MTMR6: variants seen among roughly 807,000 people sequenced by gnomAD.
MTMR6 encodes myotubularin related protein 6, also known as phosphatidylinositol-3,5-bisphosphate 3-phosphatase MTMR6.
MTMR6 carries 47 observed loss-of-function variants against 80.1 expected under a neutral mutation model. That is an observed-to-expected ratio of 0.59 (90% CI 0.46 to 0.75). The LOEUF (loss-of-function observed/expected upper bound fraction) is 0.75. Among genes scored for constraint, MTMR6 ranks in the 30% least tolerant of loss-of-function variants. The pLI, the probability that MTMR6 is intolerant of heterozygous loss-of-function variation, is 0.00. For synonymous variants in MTMR6, 254 were observed against 253.0 expected, an observed-to-expected ratio of 1.00 and a Z score of -0.04; for missense variants, 629 against 730.9, an observed-to-expected ratio of 0.86 and a Z score of 1.61.
intron 2 of MTMR6, among the ~76,000 whole-genome samples, chr13:25,271,346 G>A (rs574300449): frequency 3.5e-4 from 53 of 152,096 alleles, no homozygotes; most frequent in Non-Finnish European, 5.9e-4. Flanking sequence ...GTTCAGTCAG[G>A]TATTCATTTA....
At position 25,246,430 on chromosome 13, in the gene MTMR6, A is replaced by G. The variant is rs1249787795; in HGVS notation, c.*2802T>C. On this transcript the variant is annotated 3_prime_UTR_variant, in exon 14 of 14. Coordinates refer to ENST00000381801, the MANE Select transcript of MTMR6 (RefSeq NM_004685.5). ...CTCCAAATTTTCTTTAATTAATCAA[A>G]GTATGTTAATGTCACTTGGAATTCT... 7.2e-5 allele frequency: 11 copies of G among 152,096 alleles called. No homozygotes were observed. The East Asian group carries it at 2.1e-3, about 30-fold the overall frequency. The allele number at this position is 152,096 out of a possible 1,614,324, so 9.4% of individuals were successfully genotyped here.
intron 9 of MTMR6, among the ~76,000 whole-genome samples, chr13:25,256,158 C>T (rs1957203836): frequency 6.6e-6 from 1 of 152,202 alleles, no homozygotes; most frequent in Non-Finnish European, 1.5e-5. Flanking sequence ...CTAATACTCA[C>T]TCTGAACTCC....
intron 1 of MTMR6, among the ~76,000 whole-genome samples, chr13:25,282,182 G>A (rs1346690309): frequency 6.6e-6 from 1 of 152,048 alleles, no homozygotes; most frequent in East Asian, 1.9e-4. Flanking sequence ...CCCATGTGGG[G>A]ATGGCTTACT....
In MTMR6 at chr13:25,261,524, AT is replaced by A. The variant is rs1957341334; in HGVS notation, c.726+143del. 5 of 677,946 alleles carry A rather than the reference AT, an allele frequency of 7.4e-6. No homozygotes were observed. In the Admixed American group the frequency reaches 1.1e-4, roughly 15 times the overall value. 42.0% of individuals were successfully genotyped at this position (677,946 alleles called of 1,614,324 possible). On this transcript the variant is annotated intron_variant, in intron 6 of 13. Coordinates refer to ENST00000381801, the MANE Select transcript of MTMR6 (RefSeq NM_004685.5). ...TAAATTGGTATCCTTTAAATAAAGG[AT>A]TGATTTCCTTAGTATCATTAGCCTT... is the stretch of plus-strand genomic sequence containing the variant.
At chr13:25,269,177 A>C (rs1957515514) in intron 2 of MTMR6, among the ~76,000 whole-genome samples, 1 of 152,140 alleles carries the variant, frequency 6.6e-6, no homozygotes, top group African/African-American at 2.4e-5. Context: ...GATCAACATT[A>C]CATCTCCAGC....
Position 25,251,730 on chromosome 13 carries a change from A to G in MTMR6, c.1524T>C (p.Pro508=). ...MYHQFDRTLH[P]RQSVFNIIMN... is the part of the protein sequence containing the mutation. Reference sequence around the variant, plus strand: ...TAATTATATTAAATACAGACTGCCTAGGATGCAGTGTTCGATCAAATTGAT... The same window carrying G: ...TAATTATATTAAATACAGACTGCCTGGGATGCAGTGTTCGATCAAATTGAT... The change falls in exon 13 of 14, where the codon CCT becomes CCC. Residue 508 remains proline, a synonymous_variant. Transcript: ENST00000381801. The surrounding 1 kb of genome is among the most constrained non-coding windows in gnomAD (Gnocchi z 4.1). 6.3e-7 allele frequency: 1 copy of G among 1,595,902 alleles called. No individual in the cohort carries two copies. Among genetic ancestry groups the G allele is most frequent in the East Asian group, 2.2e-5 (1 of 44,710 alleles).
At chr13:25,272,094 G>A (rs954075745) in intron 2 of MTMR6, among the ~76,000 whole-genome samples, 5 of 152,186 alleles carry the variant, frequency 3.3e-5, no homozygotes, top group Middle Eastern at 3.2e-3. Flanking sequence ...GTCAATAAAT[G>A]GCGCCGGTCG....
chr13:25,256,183 A>C (rs576890437), intron 9 of MTMR6, among the ~76,000 whole-genome samples: 1 of 152,158 alleles, frequency 6.6e-6, no homozygotes, highest in African/African-American at 2.4e-5. Flanking sequence ...ATCACACATT[A>C]CCTGCAGTCA....
intron 7 of MTMR6, 116 bp from the exon 8 acceptor site, chr13:25,257,961 C>G (rs1957251066): frequency 1.7e-6 from 1 of 593,444 alleles, no homozygotes; most frequent in Non-Finnish European, 2.8e-6. Context: ...ACAGGCAAGA[C>G]TCTATAAATG....
chr13:25,275,236 G>C (rs190181155), intron 1 of MTMR6, among the ~76,000 whole-genome samples: 1 of 151,856 alleles, frequency 6.6e-6, no homozygotes, highest in Admixed American at 6.6e-5. Flanking sequence ...AGACCAGCCT[G>C]GCCAACATGA....
At chr13:25,265,599 G>A (rs994640316) in intron 5 of MTMR6, among the ~76,000 whole-genome samples, 14 of 151,996 alleles carry the variant, frequency 9.2e-5, no homozygotes, top group African/African-American at 3.4e-4. Context: ...CAGGCATGGT[G>A]GCACGCGCCT....
intron 9 of MTMR6, 69 bp from the exon 10 acceptor site, chr13:25,254,503 T>C (rs1957152671): frequency 9.5e-7 from 1 of 1,051,392 alleles, no homozygotes; most frequent in African/African-American, 1.6e-5. Flanking sequence ...GGATTAAATC[T>C]TATTAGTTTA....
At chr13:25,259,641 T>C (rs906328371) in intron 6 of MTMR6, among the ~76,000 whole-genome samples, 2 of 152,176 alleles carry the variant, frequency 1.3e-5, no homozygotes, top group Non-Finnish European at 2.9e-5. Context: ...CAAAGAATGA[T>C]ATATTTTCTG....
chr13:25,249,978 A>G (rs1267696219), intron 13 of MTMR6, among the ~76,000 whole-genome samples: 1 of 152,188 alleles, frequency 6.6e-6, no homozygotes, highest in East Asian at 1.9e-4. Context: ...TTTTTAACAG[A>G]AGATTTTTAA....
At chr13:25,280,775 G>A (rs773316037) in intron 1 of MTMR6, among the ~76,000 whole-genome samples, 15 of 152,140 alleles carry the variant, frequency 9.9e-5, no homozygotes, top group Non-Finnish European at 2.1e-4. Flanking sequence ...AAGAAAAAAA[G>A]ACTTTGGGAA....
chr13:25,275,884 A>G (rs1264704834), intron 1 of MTMR6, among the ~76,000 whole-genome samples: 1 of 5,664 alleles, frequency 1.8e-4, no homozygotes, highest in East Asian at 4.5e-3. Flanking sequence ...AGGGGAGGGG[A>G]GGGGAGGGGA....
chr13:25,249,121 G>A lies in MTMR6; in HGVS notation c.*111C>T, dbSNP rs1957034001. 1 of 1,217,536 alleles carries A rather than the reference G, an allele frequency of 8.2e-7. No homozygotes were observed. The highest frequency in any genetic ancestry group is 1.1e-6 in the Non-Finnish European group (1 of 878,046). 75.4% of individuals were successfully genotyped at this position (1,217,536 alleles called of 1,614,324 possible). On this transcript the variant is annotated 3_prime_UTR_variant, in exon 14 of 14. Transcript: ENST00000381801. Reference sequence around the variant, plus strand: ...TCCTTCCTTCAACTATTAGCCTACTGTTAAACCCTAAAATTGTTATTAGAC... The same window carrying A: ...TCCTTCCTTCAACTATTAGCCTACTATTAAACCCTAAAATTGTTATTAGAC...
chr13:25,255,865 C>T (rs953480460), intron 9 of MTMR6, among the ~76,000 whole-genome samples: 5 of 152,140 alleles, frequency 3.3e-5, no homozygotes, highest in Non-Finnish European at 7.3e-5. Flanking sequence ...ATCACCTCCC[C>T]CTTCACTTGT....
At chr13:25,265,562 C>T (rs1957436713) in intron 5 of MTMR6, among the ~76,000 whole-genome samples, 1 of 151,870 alleles carries the variant, frequency 6.6e-6, no homozygotes, top group African/African-American at 2.4e-5. Flanking sequence ...GTCAACGTGG[C>T]AAAACCTCGT....
Sources: gnomAD v4.1 joint callset for allele counts (sites outside exome capture counted in the v4.1 genomes callset) on GRCh38, gnomAD v4.1.1 for gene constraint, Gnocchi (gnomAD v3.1) non-coding constraint, MANE v1.5 for transcripts, NCBI Gene and HGNC (gene_info 2026-07-23, HGNC 2026-07-21) for gene names.